SCHIP1: variants seen among roughly 807,000 people sequenced by gnomAD.
The protein encoded by SCHIP1 is schwannomin-interacting protein 1.
SCHIP1 carries 8 observed loss-of-function variants against 29.7 expected under a neutral mutation model. The observed-to-expected ratio is 0.27, with a 90% CI of 0.16 to 0.49. The LOEUF (loss-of-function observed/expected upper bound fraction) is 0.49. SCHIP1 is among the 20% of genes least tolerant of loss of function. The probability of loss-of-function intolerance (pLI) is 0.99; values close to 1 mark genes in which losing one functional copy is unlikely to be tolerated. For missense variants in SCHIP1, 193 were observed against 294.6 expected, an observed-to-expected ratio of 0.66 and a Z score of 2.52; for synonymous variants, 76 against 94.9, an observed-to-expected ratio of 0.80 and a Z score of 1.16.
chr3:159,659,747 G>A, the SCHIP1 span, among the ~76,000 whole-genome samples: 2 of 152,174 alleles, frequency 1.3e-5, no homozygotes, highest in East Asian at 3.8e-4. Flanking sequence ...ACCTGAGAAA[G>A]CTAGATGAAG....
chr3:159,497,676 G>A, the SCHIP1 span, among the ~76,000 whole-genome samples: 200 of 151,810 alleles, frequency 1.3e-3, no homozygotes, highest in South Asian at 0.023. Flanking sequence ...GAGAGGGAGG[G>A]AAGAGCGAAA....
At chr3:159,288,238 A>G in the SCHIP1 span, among the ~76,000 whole-genome samples, 6 of 152,230 alleles carry the variant, frequency 3.9e-5, no homozygotes, top group Non-Finnish European at 8.8e-5. Flanking sequence ...CTATACTCCT[A>G]CACATGAATA....
the SCHIP1 span, among the ~76,000 whole-genome samples, chr3:159,737,184 T>C: frequency 6.6e-6 from 1 of 152,204 alleles, no homozygotes; most frequent in Non-Finnish European, 1.5e-5. Flanking sequence ...TTCGGCCTGA[T>C]TAATCATCAG....
At chr3:159,896,486 A>G (rs763844935) in intron 6 of SCHIP1, among the ~76,000 whole-genome samples, 3 of 152,218 alleles carry the variant, frequency 2.0e-5, no homozygotes, top group Non-Finnish European at 4.4e-5. Flanking sequence ...AGTAATGTCT[A>G]AAAGTCTCAG....
the SCHIP1 span, among the ~76,000 whole-genome samples, chr3:159,558,401 C>T: frequency 1.3e-5 from 2 of 152,148 alleles, no homozygotes; most frequent in Non-Finnish European, 2.9e-5. Context: ...AAACAAGAAG[C>T]AGCAACCTGC....
At chr3:159,475,460 T>C in the SCHIP1 span, among the ~76,000 whole-genome samples, 1 of 151,964 alleles carries the variant, frequency 6.6e-6, no homozygotes, top group Non-Finnish European at 1.5e-5. Flanking sequence ...AGGTATAGGG[T>C]TTTTTTGGCA....
the SCHIP1 span, among the ~76,000 whole-genome samples, chr3:159,750,501 T>C: frequency 6.6e-6 from 1 of 151,870 alleles, no homozygotes; most frequent in African/African-American, 2.4e-5. Flanking sequence ...GATGCTTTAT[T>C]GAGCGATAAA....
the SCHIP1 span, among the ~76,000 whole-genome samples, chr3:159,661,480 C>T: frequency 1.3e-5 from 2 of 152,164 alleles, no homozygotes; most frequent in Non-Finnish European, 2.9e-5. Flanking sequence ...ATGTATACTA[C>T]AAATACATAC....
At chr3:159,721,797 T>G in the SCHIP1 span, 1 of 433,980 alleles carries the variant, frequency 2.3e-6, no homozygotes, top group Non-Finnish European at 4.5e-6. Flanking sequence ...CAGCTGGGCT[T>G]TGGCATCCTC....
the SCHIP1 span, among the ~76,000 whole-genome samples, chr3:159,773,033 G>GC: frequency 2.0e-5 from 3 of 152,226 alleles, no homozygotes; most frequent in Non-Finnish European, 4.4e-5. Flanking sequence ...GAGCCACTGC[G>GC]CCCGGCCTAC....
chr3:159,636,951 C>T, the SCHIP1 span, among the ~76,000 whole-genome samples: 2 of 152,168 alleles, frequency 1.3e-5, no homozygotes. Context: ...TACTCATGTT[C>T]TCAAAACAAT....
the SCHIP1 span, among the ~76,000 whole-genome samples, chr3:159,603,900 C>T: frequency 1.3e-5 from 2 of 152,232 alleles, no homozygotes; most frequent in East Asian, 1.9e-4. Flanking sequence ...TGGTAAGGGG[C>T]TCACAAGGAT....
chr3:159,818,324 G>A, the SCHIP1 span, among the ~76,000 whole-genome samples: 1 of 152,208 alleles, frequency 6.6e-6, no homozygotes, highest in South Asian at 2.1e-4. Flanking sequence ...CTTTAAAGTG[G>A]GGACAATAAC....
the SCHIP1 span, among the ~76,000 whole-genome samples, chr3:159,673,163 T>C: frequency 1.3e-5 from 2 of 152,212 alleles, no homozygotes; most frequent in Non-Finnish European, 2.9e-5. Context: ...CTTGAAACAA[T>C]GTTTCTGTTC....
At chr3:159,648,961 A>G in the SCHIP1 span, among the ~76,000 whole-genome samples, 1 of 152,122 alleles carries the variant, frequency 6.6e-6, no homozygotes, top group South Asian at 2.1e-4. Context: ...ACCTGAAACT[A>G]ATCCTACTTA....
chr3:159,559,724 C>T, the SCHIP1 span, among the ~76,000 whole-genome samples: 1 of 152,174 alleles, frequency 6.6e-6, no homozygotes, highest in African/African-American at 2.4e-5. Context: ...AGAGTTCCCT[C>T]ATGCCCTTTT....
At chr3:159,658,718 C>T in the SCHIP1 span, among the ~76,000 whole-genome samples, 2 of 152,144 alleles carry the variant, frequency 1.3e-5, no homozygotes, top group African/African-American at 4.8e-5. Context: ...CTGGACATGC[C>T]ACCCAAATAC....
chr3:159,804,552 T>C, the SCHIP1 span, among the ~76,000 whole-genome samples: 1 of 152,352 alleles, frequency 6.6e-6, no homozygotes, highest in East Asian at 1.9e-4. Context: ...ATTTATTTGC[T>C]GCTGTGATGT....
At chr3:159,443,900 T>C in the SCHIP1 span, among the ~76,000 whole-genome samples, 1 of 152,182 alleles carries the variant, frequency 6.6e-6, no homozygotes, top group Non-Finnish European at 1.5e-5. Context: ...ATGAGGCCAG[T>C]TTCTGTATCT....
Sources: allele counts gnomAD v4.1 joint callset (sites outside exome capture counted in the v4.1 genomes callset), GRCh38; gene constraint gnomAD v4.1.1; transcripts MANE v1.5; gene names NCBI Gene and HGNC (gene_info 2026-07-23, HGNC 2026-07-21).